ADAMTS17: variants seen among roughly 807,000 people sequenced by gnomAD.
ADAMTS17 encodes A disintegrin and metalloproteinase with thrombospondin motifs 17.
In ADAMTS17, 113 loss-of-function variants were observed where a neutral mutation model predicts 141.5. The ratio of observed to expected loss-of-function variants is 0.80; its 90% confidence interval spans 0.69 to 0.93. ADAMTS17 has a LOEUF of 0.93. ADAMTS17 is among the 40% of genes least tolerant of loss of function. The probability of loss-of-function intolerance (pLI) is 0.00; values close to 1 mark genes in which losing one functional copy is unlikely to be tolerated. For synonymous variants in ADAMTS17, 768 were observed against 630.6 expected (o/e 1.22, Z -3.27); for missense variants, 1,659 against 1,517.9 (o/e 1.09, Z -1.54).
intron 3 of ADAMTS17, among the ~76,000 whole-genome samples, chr15:100,297,587 T>C (rs2044868870): frequency 6.6e-6 from 1 of 152,124 alleles, no homozygotes; most frequent in Non-Finnish European, 1.5e-5. Context: ...CCTGGATGAA[T>C]GGGGGGACCA....
intron 14 of ADAMTS17, among the ~76,000 whole-genome samples, chr15:100,108,701 C>T (rs1173105350): frequency 1.3e-5 from 2 of 152,194 alleles, no homozygotes; most frequent in African/African-American, 2.4e-5. Context: ...TAGTACCCTG[C>T]CTACCTTCGT....
chr15:100,073,372 T>A (rs1276436204), intron 15 of ADAMTS17, among the ~76,000 whole-genome samples: 3 of 152,250 alleles, frequency 2.0e-5, no homozygotes, highest in South Asian at 2.1e-4. Context: ...TCAGAGATCT[T>A]GAACTAGAAA....
At chr15:100,263,205 G>A (rs1596389800) in intron 4 of ADAMTS17, among the ~76,000 whole-genome samples, 1 of 152,108 alleles carries the variant, frequency 6.6e-6, no homozygotes, top group Non-Finnish European at 1.5e-5. Context: ...GCTGCTGAAC[G>A]CCAGCCTGTG....
intron 15 of ADAMTS17, 118 bp from the exon 16 acceptor site, chr15:100,054,172 A>G: frequency 8.4e-7 from 1 of 1,188,540 alleles, no homozygotes. Flanking sequence ...CACAGGGGGA[A>G]GGAGGGAGGC....
chr15:100,238,024 G>T (rs939133439), intron 7 of ADAMTS17, among the ~76,000 whole-genome samples: 1 of 152,214 alleles, frequency 6.6e-6, no homozygotes, highest in Admixed American at 6.5e-5. Flanking sequence ...AAGAAGCAAA[G>T]ACGGAGTGGG....
intron 15 of ADAMTS17, among the ~76,000 whole-genome samples, chr15:100,056,746 A>G (rs1471337149): frequency 6.6e-6 from 1 of 152,028 alleles, no homozygotes; most frequent in Non-Finnish European, 1.5e-5. Context: ...CTCAGAAAGC[A>G]TAAGTTGGGG....
chr15:100,215,305 CTT>C (rs1490764462), intron 7 of ADAMTS17, among the ~76,000 whole-genome samples: 10 of 152,178 alleles, frequency 6.6e-5, no homozygotes, highest in African/African-American at 2.4e-4. Flanking sequence ...TTCCTGGACT[CTT>C]TGTTAGATTT....
At chr15:100,284,236 AAG>A (rs554983798) in intron 3 of ADAMTS17, among the ~76,000 whole-genome samples, 199 of 152,362 alleles carry the variant, frequency 1.3e-3, no homozygotes, top group African/African-American at 4.6e-3. Flanking sequence ...GGGTGCCGTA[AAG>A]AGTGACACAC....
chr15:100,125,216 G>A (rs1453176217), intron 12 of ADAMTS17, among the ~76,000 whole-genome samples: 9 of 152,214 alleles, frequency 5.9e-5, no homozygotes, highest in Admixed American at 2.6e-4. Flanking sequence ...AGCTGCTAAC[G>A]CACCCTCAGG....
intron 3 of ADAMTS17, among the ~76,000 whole-genome samples, chr15:100,282,668 A>T (rs959236059): frequency 6.6e-6 from 1 of 152,246 alleles, no homozygotes; most frequent in Admixed American, 6.5e-5. Flanking sequence ...ATAAGAGGTA[A>T]CCACTGTATT....
chr15:100,138,970 G>A (rs1210989129), intron 10 of ADAMTS17, among the ~76,000 whole-genome samples: 2 of 152,200 alleles, frequency 1.3e-5, no homozygotes, highest in Non-Finnish European at 2.9e-5. Flanking sequence ...GGTAATAGGG[G>A]AAGAGACTAG....
chr15:100,296,535 G>GAAAGGTGGA (rs1412319039), intron 3 of ADAMTS17, among the ~76,000 whole-genome samples: 3 of 151,978 alleles, frequency 2.0e-5, no homozygotes, highest in African/African-American at 7.3e-5. Context: ...TCCTTACAAA[G>GAAAGGTGGA]AAAGGTGGAA....
intron 3 of ADAMTS17, among the ~76,000 whole-genome samples, chr15:100,310,836 C>A (rs2141857019): frequency 6.6e-6 from 1 of 152,324 alleles, no homozygotes. Context: ...GCTCCTTCAG[C>A]CCAAAGCCAG....
At chr15:100,222,283 G>A (rs1453645238) in intron 7 of ADAMTS17, among the ~76,000 whole-genome samples, 1 of 152,208 alleles carries the variant, frequency 6.6e-6, no homozygotes, top group Non-Finnish European at 1.5e-5. Context: ...TCTGCCTTAA[G>A]TCCTGGCATC....
intron 8 of ADAMTS17, among the ~76,000 whole-genome samples, chr15:100,173,914 C>G (rs566456063): frequency 6.6e-6 from 1 of 152,200 alleles, no homozygotes; most frequent in Non-Finnish European, 1.5e-5. Context: ...CCAAACATCA[C>G]CACTAGAAAC....
intron 8 of ADAMTS17, among the ~76,000 whole-genome samples, chr15:100,170,423 C>T (rs1388423925): frequency 6.6e-6 from 1 of 151,964 alleles, no homozygotes; most frequent in Non-Finnish European, 1.5e-5. Flanking sequence ...AGTCCCTCAG[C>T]ACGCAGGGAC....
At chr15:100,309,077 T>C (rs2045320847) in intron 3 of ADAMTS17, among the ~76,000 whole-genome samples, 1 of 152,240 alleles carries the variant, frequency 6.6e-6, no homozygotes, top group Non-Finnish European at 1.5e-5. Flanking sequence ...AGAATGGCCA[T>C]GTGGCCAGGG....
Position 100,146,066 on chromosome 15 carries a change from G to A in ADAMTS17, c.1473+6546C>T, listed in dbSNP as rs58662970. ...CGCATGCCTGTAATCACAGCTACTC[G>A]GGAGGCTGAGACAGGAGAATCACTT... On this transcript the variant is annotated intron_variant, in intron 10 of 21. Transcript: ENST00000268070. Among the ~76,000 whole-genome samples the A allele has an allele frequency of 5.1e-3, 776 of 152,236 alleles. 5 individuals are homozygous for A. The highest frequency in any genetic ancestry group is 0.02 in the Middle Eastern group (6 of 294).
intron 12 of ADAMTS17, among the ~76,000 whole-genome samples, chr15:100,121,550 G>A (rs1199380375): frequency 2.0e-5 from 3 of 152,094 alleles, no homozygotes; most frequent in African/African-American, 7.2e-5. Context: ...TATACTTAAA[G>A]TGCCTAAGAA....
Sources: gnomAD v4.1 joint callset for allele counts (sites outside exome capture counted in the v4.1 genomes callset) on GRCh38, gnomAD v4.1.1 for gene constraint, MANE v1.5 for transcripts, NCBI Gene and HGNC (gene_info 2026-07-23, HGNC 2026-07-21) for gene names.